Variants in TSPAN15 observed in about 807,000 individuals in gnomAD.
TSPAN15 encodes tetraspanin-15.
In TSPAN15, 20 loss-of-function variants were observed where a neutral mutation model predicts 34.5. The ratio of observed to expected loss-of-function variants is 0.58; its 90% CI spans 0.41 to 0.84. TSPAN15 has a LOEUF of 0.84. TSPAN15 is among the 40% of genes least tolerant of loss of function. The pLI is 0.00. For synonymous variants in TSPAN15, 155 were observed against 153.9 expected (o/e 1.01, Z -0.05); for missense variants, 313 against 386.1 (o/e 0.81, Z 1.59).
At chr10:69,534,818 T>TAAA in the TSPAN15 span, among the ~76,000 whole-genome samples, 19 of 123,944 alleles carry the variant, frequency 1.5e-4, no homozygotes, top group African/African-American at 4.6e-4. Context: ...CCCTGTATCT[T>TAAA]AAAAAAAAAA....
chr10:69,503,414 T>A (rs1013766619), intron 5 of TSPAN15, among the ~76,000 whole-genome samples: 2 of 152,232 alleles, frequency 1.3e-5, no homozygotes, highest in African/African-American at 4.8e-5. Flanking sequence ...TGTATCTCAC[T>A]TTATGTCCAA....
the TSPAN15 span, chr10:69,523,476 C>A: frequency 1.9e-6 from 1 of 535,432 alleles, no homozygotes; most frequent in Non-Finnish European, 3.5e-6. Context: ...TGCAAGAGGG[C>A]ACCCCTAACA....
At chr10:69,497,445 C>G (rs937614750) in intron 4 of TSPAN15, among the ~76,000 whole-genome samples, 1 of 152,176 alleles carries the variant, frequency 6.6e-6, no homozygotes, top group African/African-American at 2.4e-5. Context: ...TGCGTGGGGC[C>G]TTTGCATGGG....
At chr10:69,451,784 T>C (rs1035180609) in intron 1 of TSPAN15, 94 bp downstream of exon 1, 24 of 1,025,478 alleles carry the variant, frequency 2.3e-5, no homozygotes, top group Non-Finnish European at 3.0e-5. Flanking sequence ...ACTTAGCCGC[T>C]CCAGGGAGTG....
At chr10:69,458,404 T>C (rs984725292) in intron 1 of TSPAN15, among the ~76,000 whole-genome samples, 2 of 152,254 alleles carry the variant, frequency 1.3e-5, no homozygotes, top group African/African-American at 4.8e-5. Flanking sequence ...GCCACTGTTA[T>C]ATGTTGGTAA....
intron 1 of TSPAN15, among the ~76,000 whole-genome samples, chr10:69,464,333 A>G (rs1352520085): frequency 2.0e-5 from 3 of 152,216 alleles, no homozygotes; most frequent in Non-Finnish European, 4.4e-5. Context: ...GGGCCCTGAG[A>G]ACCACCTTCC....
At chr10:69,526,186 G>A in the TSPAN15 span, among the ~76,000 whole-genome samples, 2 of 147,490 alleles carry the variant, frequency 1.4e-5, no homozygotes, top group Non-Finnish European at 3.0e-5. Flanking sequence ...AGTATAATGT[G>A]CAACTCTATG....
chr10:69,458,664 T>TCCTCC (rs1217093625), intron 1 of TSPAN15, among the ~76,000 whole-genome samples: 2 of 151,060 alleles, frequency 1.3e-5, no homozygotes, highest in Non-Finnish European at 3.0e-5. Context: ...CACAGAGAGG[T>TCCTCC]CCTCCCCTCC....
intron 1 of TSPAN15, among the ~76,000 whole-genome samples, chr10:69,471,551 T>TTCTCTCTC (rs111306890): frequency 0.042 from 6,414 of 151,104 alleles, 509 homozygotes; most frequent in African/African-American, 0.15. Flanking sequence ...CTTTCTTTCT[T>TTCTCTCTC]TCTCTCTCAC....
intron 5 of TSPAN15, among the ~76,000 whole-genome samples, chr10:69,499,419 G>A (rs1307391065): frequency 6.6e-6 from 1 of 152,192 alleles, no homozygotes; most frequent in African/African-American, 2.4e-5. Flanking sequence ...TGGGAAGTGG[G>A]GTGCTGAGGA....
chr10:69,455,704 T>C (rs188261247), intron 1 of TSPAN15, among the ~76,000 whole-genome samples: 40 of 147,766 alleles, frequency 2.7e-4, no homozygotes, highest in African/African-American at 9.4e-4. Context: ...GAATGTGTCA[T>C]TTTGCATGGG....
chr10:69,534,886 A>G, the TSPAN15 span, among the ~76,000 whole-genome samples: 1 of 149,270 alleles, frequency 6.7e-6, no homozygotes, highest in African/African-American at 2.5e-5. Context: ...CGGGAGGCTG[A>G]GTGTTAGAGG....
the TSPAN15 span, among the ~76,000 whole-genome samples, chr10:69,535,773 T>C: frequency 6.6e-6 from 1 of 152,200 alleles, no homozygotes; most frequent in African/African-American, 2.4e-5. Context: ...GCTCAATAAA[T>C]CCTCTGTAGA....
the TSPAN15 span, among the ~76,000 whole-genome samples, chr10:69,531,953 A>AC: frequency 8.3e-6 from 1 of 120,906 alleles, no homozygotes; most frequent in African/African-American, 3.0e-5. Flanking sequence ...AAAAAAAACA[A>AC]AAAAAAAACT....
intron 1 of TSPAN15, 98 bp from the exon 2 acceptor site, chr10:69,483,593 G>C: frequency 3.0e-6 from 4 of 1,346,888 alleles, no homozygotes; most frequent in Non-Finnish European, 4.0e-6. Context: ...CCTGGGGCAA[G>C]CCTCCCCCAC....
intron 1 of TSPAN15, among the ~76,000 whole-genome samples, chr10:69,465,872 G>T (rs1014685690): frequency 6.6e-6 from 1 of 152,192 alleles, no homozygotes; most frequent in Non-Finnish European, 1.5e-5. Context: ...CCGAAGCTCT[G>T]CGCTTCCAGA....
Position 69,507,228 on chromosome 10 carries a change from C to T in TSPAN15, c.*250C>T, listed in dbSNP as rs1296535318. The T allele has an allele frequency of 7.2e-7, 1 of 1,392,824 alleles. No individual in the cohort carries two copies. The highest frequency in any genetic ancestry group is 9.3e-7 in the Non-Finnish European group (1 of 1,077,264). 86.3% of individuals were successfully genotyped at this position (1,392,824 alleles called of 1,614,324 possible). A position where few individuals can be genotyped will look rare whatever the true frequency, so the allele number is the denominator to read the frequency against. On this transcript the variant is annotated 3_prime_UTR_variant, in exon 8 of 8. Transcript: ENST00000373290. ...CCCACCTGGGGCCTGGGGAACAAGG[C>T]CCTCCTTTCTCCAGGCCTGGGCTAC...
the TSPAN15 span, among the ~76,000 whole-genome samples, chr10:69,544,855 A>T: frequency 6.6e-6 from 1 of 152,150 alleles, no homozygotes; most frequent in African/African-American, 2.4e-5. Context: ...CTAGGAGGAA[A>T]TTAGCATTCG....
chr10:69,451,724 TG>T, intron 1 of TSPAN15, 34 bp downstream of exon 1: 1 of 1,400,970 alleles, frequency 7.1e-7, no homozygotes, highest in Non-Finnish European at 9.4e-7. Context: ...GGGATGGGGG[TG>T]GGGACCCACA....
Sources: gnomAD v4.1 joint callset for allele counts (sites outside exome capture counted in the v4.1 genomes callset) on GRCh38, gnomAD v4.1.1 for gene constraint, MANE v1.5 for transcripts, NCBI Gene and HGNC (gene_info 2026-07-23, HGNC 2026-07-21) for gene names.